Variants in RBFOX1 observed in about 807,000 individuals in gnomAD.
RBFOX1 encodes the protein RNA binding fox-1 homolog 1.
In RBFOX1, 8 loss-of-function variants were observed where a neutral mutation model predicts 57.7. The ratio of observed to expected loss-of-function variants is 0.14; its 90% CI spans 0.08 to 0.25. The LOEUF is 0.25. RBFOX1 is among the 10% of genes least tolerant of loss of function. The pLI is 1.00. For synonymous variants in RBFOX1, 326 were observed against 222.4 expected, an observed-to-expected ratio of 1.47 and a Z score of -4.15; for missense variants, 611 against 548.5, an observed-to-expected ratio of 1.11 and a Z score of -1.14.
chr16:6,663,963 C>G (rs750511741), intron 3 of RBFOX1, among the ~76,000 whole-genome samples: 5 of 152,278 alleles, frequency 3.3e-5, no homozygotes, highest in South Asian at 4.1e-4. Flanking sequence ...AAAGGCTAAT[C>G]CACCTGAAAC....
chr16:5,756,866 A>G (rs1567499191), intron 3 of RBFOX1, among the ~76,000 whole-genome samples: 2 of 152,186 alleles, frequency 1.3e-5, no homozygotes, highest in African/African-American at 2.4e-5. Flanking sequence ...GCATGCAGAA[A>G]CTGGGCTAAG....
chr16:5,305,516 T>C (rs1162554051), intron 1 of RBFOX1, among the ~76,000 whole-genome samples: 1 of 152,190 alleles, frequency 6.6e-6, no homozygotes, highest in Non-Finnish European at 1.5e-5. Context: ...CCCTATTGAT[T>C]AGAAAAACAA....
At chr16:5,531,082 G>T (rs1205669522) in intron 2 of RBFOX1, among the ~76,000 whole-genome samples, 1 of 151,966 alleles carries the variant, frequency 6.6e-6, no homozygotes, top group Non-Finnish European at 1.5e-5. Context: ...CCGAGATTGC[G>T]CCACTGCACT....
At chr16:7,665,037 T>A (rs1190734656) in intron 13 of RBFOX1, 69 bp downstream of exon 13, 4 of 1,613,504 alleles carry the variant, frequency 2.5e-6, no homozygotes, top group Non-Finnish European at 3.4e-6. Flanking sequence ...AAGTTTGCTG[T>A]GAATTTCTCT....
intron 3 of RBFOX1, among the ~76,000 whole-genome samples, chr16:6,764,821 T>C (rs1603617473): frequency 6.6e-6 from 1 of 151,868 alleles, no homozygotes; most frequent in Admixed American, 6.6e-5. Flanking sequence ...CCTGTAATCC[T>C]AGCTACTCGG....
intron 3 of RBFOX1, among the ~76,000 whole-genome samples, chr16:7,038,240 C>A (rs1026027212): frequency 6.6e-6 from 1 of 151,988 alleles, no homozygotes; most frequent in Non-Finnish European, 1.5e-5. Context: ...TTTTAGTTAC[C>A]CAGGACATTT....
intron 3 of RBFOX1, among the ~76,000 whole-genome samples, chr16:6,969,949 CA>C (rs200091724): frequency 0.011 from 1,742 of 152,078 alleles, 12 homozygotes; most frequent in Non-Finnish European, 0.017. Context: ...AAATGTCACA[CA>C]ATAAGGACAC....
At chr16:7,415,750 T>C (rs1454208801) in intron 4 of RBFOX1, among the ~76,000 whole-genome samples, 2 of 151,452 alleles carry the variant, frequency 1.3e-5, no homozygotes, top group African/African-American at 4.9e-5. Flanking sequence ...ATGGTTACGT[T>C]AATTTTCCAG....
chr16:7,538,971 G>T (rs922796341), intron 5 of RBFOX1, among the ~76,000 whole-genome samples: 3 of 151,442 alleles, frequency 2.0e-5, no homozygotes, highest in Non-Finnish European at 4.4e-5. Context: ...ACACACTTCA[G>T]TGGTGGCTGA....
intron 4 of RBFOX1, among the ~76,000 whole-genome samples, chr16:7,470,109 T>G (rs2061297406): frequency 6.6e-6 from 1 of 152,146 alleles, no homozygotes. Context: ...GACATTTAGG[T>G]TGTTTACACT....
intron 4 of RBFOX1, among the ~76,000 whole-genome samples, chr16:7,115,360 A>G (rs2065661522): frequency 6.6e-6 from 1 of 152,174 alleles, no homozygotes; most frequent in South Asian, 2.1e-4. Flanking sequence ...TGAAAGTCCT[A>G]CCTACATAGA....
chr16:5,766,066 G>C (rs76873759), intron 3 of RBFOX1, among the ~76,000 whole-genome samples: 1,901 of 152,310 alleles, frequency 0.012, 36 homozygotes, highest in African/African-American at 0.042. Flanking sequence ...GCAGCCAATA[G>C]CTCAGAGTTC....
At chr16:7,362,320 GTA>G (rs1434369856) in intron 4 of RBFOX1, among the ~76,000 whole-genome samples, 17 of 151,274 alleles carry the variant, frequency 1.1e-4, no homozygotes, top group African/African-American at 2.9e-4. Flanking sequence ...GTGTGTGTGT[GTA>G]TGTTTTGTGT....
At chr16:6,926,798 AT>A (rs999104934) in intron 3 of RBFOX1, among the ~76,000 whole-genome samples, 2 of 152,206 alleles carry the variant, frequency 1.3e-5, no homozygotes, top group African/African-American at 4.8e-5. Context: ...AGTTCTTAAA[AT>A]TATCGTTTTG....
chr16:7,202,429 A>G (rs2088809578), intron 4 of RBFOX1, among the ~76,000 whole-genome samples: 1 of 152,178 alleles, frequency 6.6e-6, no homozygotes, highest in Admixed American at 6.5e-5. Context: ...AGATTCCCAA[A>G]TAATTAAAAA....
chr16:6,103,439 A>G (rs2096339097), intron 1 of RBFOX1, among the ~76,000 whole-genome samples: 1 of 152,140 alleles, frequency 6.6e-6, no homozygotes, highest in Non-Finnish European at 1.5e-5. Context: ...TATTAAATTT[A>G]TTATTACTGT....
chr16:7,224,589 A>G (rs1449570540), intron 4 of RBFOX1, among the ~76,000 whole-genome samples: 1 of 152,138 alleles, frequency 6.6e-6, no homozygotes, highest in East Asian at 1.9e-4. Flanking sequence ...TCAGATTTTC[A>G]GTTGGGCGTG....
At chr16:6,912,727 A>G (rs7499029) in intron 3 of RBFOX1, among the ~76,000 whole-genome samples, 37,276 of 151,516 alleles carry the variant, frequency 0.25, 4,751 homozygotes, top group South Asian at 0.32. Context: ...AAGCAAGCCT[A>G]CTACCTCAGC....
intron 4 of RBFOX1, among the ~76,000 whole-genome samples, chr16:7,466,025 G>C (rs139496105): frequency 2.0e-5 from 3 of 152,150 alleles, no homozygotes; most frequent in Non-Finnish European, 4.4e-5. Context: ...TGCATCATCT[G>C]TGTTTTCTGA....
Sources: gnomAD v4.1 joint callset for allele counts (sites outside exome capture counted in the v4.1 genomes callset) on GRCh38, gnomAD v4.1.1 for gene constraint, MANE v1.5 for transcripts, NCBI Gene and HGNC (gene_info 2026-07-23, HGNC 2026-07-21) for gene names.